Variants in KICS2 observed in about 807,000 individuals in gnomAD.
The protein encoded by KICS2 is KICSTOR complex protein C12orf66.
A neutral mutation model predicts 31.4 loss-of-function variants in KICS2; 13 were observed. That is an observed-to-expected ratio of 0.41 (90% CI 0.27 to 0.66). KICS2 has a LOEUF of 0.66. Among genes scored for constraint, KICS2 ranks in the 30% least tolerant of loss-of-function variants. KICS2 has a pLI of 0.28. For missense variants in KICS2, 455 were observed against 545.4 expected (o/e 0.83, Z 1.65); for synonymous variants, 209 against 214.8 (o/e 0.97, Z 0.24).
chr12:64,201,968 G>A (rs2037494431), intron 2 of KICS2, among the ~76,000 whole-genome samples: 1 of 152,204 alleles, frequency 6.6e-6, no homozygotes, highest in Non-Finnish European at 1.5e-5. Flanking sequence ...ACTGAATAAT[G>A]TAGTCCCTTC....
chr12:64,213,111 GA>G (rs2037598953), intron 2 of KICS2, among the ~76,000 whole-genome samples: 1 of 149,194 alleles, frequency 6.7e-6, no homozygotes, highest in South Asian at 2.1e-4. Context: ...AAAAAGAAAA[GA>G]AAAAGAAAGA....
chr12:64,197,940 G>A (rs1185750511), intron 2 of KICS2, among the ~76,000 whole-genome samples: 1 of 135,932 alleles, frequency 7.4e-6, no homozygotes, highest in East Asian at 2.1e-4. Flanking sequence ...GGAGCACCCA[G>A]ATTCATAAAG....
At chr12:64,221,767 T>C (rs2136711342) in intron 1 of KICS2, 6 of 599,508 alleles carry the variant, frequency 1.0e-5, no homozygotes, top group African/African-American at 1.9e-5. Flanking sequence ...TCGGTTTGGG[T>C]CACAGCCCTG....
At chr12:64,195,134 C>A (rs1030898313) in intron 2 of KICS2, among the ~76,000 whole-genome samples, 5 of 152,146 alleles carry the variant, frequency 3.3e-5, no homozygotes, top group Non-Finnish European at 7.3e-5. Flanking sequence ...GTTGCCCAGG[C>A]TGGTTTCAAA....
chr12:64,196,880 C>G (rs1189246988), intron 2 of KICS2, among the ~76,000 whole-genome samples: 1 of 149,626 alleles, frequency 6.7e-6, no homozygotes, highest in Non-Finnish European at 1.5e-5. Context: ...TGAAATGAAG[C>G]GAGAAGGGAA....
chr12:64,195,984 A>C (rs1451864732), intron 2 of KICS2, among the ~76,000 whole-genome samples: 1 of 152,212 alleles, frequency 6.6e-6, no homozygotes, highest in Non-Finnish European at 1.5e-5. Context: ...CTAGCACAGC[A>C]GTCTGAGATC....
downstream of KICS2, chr12:64,186,831 C>T (rs1445370869): frequency 2.0e-5 from 3 of 152,172 alleles, no homozygotes; most frequent in Admixed American, 6.5e-5. Flanking sequence ...TATATCATTA[C>T]CCTTAACATA....
chr12:64,201,750 C>T (rs567805323), intron 2 of KICS2, among the ~76,000 whole-genome samples: 5 of 150,660 alleles, frequency 3.3e-5, no homozygotes, highest in African/African-American at 1.2e-4. Context: ...GGCTGAGGCA[C>T]GAGAATTGCT....
chr12:64,194,726 A>C, intron 2 of KICS2, 68 bp from the exon 3 acceptor site: 3 of 1,493,464 alleles, frequency 2.0e-6, no homozygotes, highest in Non-Finnish European at 2.7e-6. Flanking sequence ...CATTTTTCTA[A>C]CCACAAAGCA....
chr12:64,190,435 C>T (rs572131434), downstream of KICS2, among the ~76,000 whole-genome samples: 7 of 152,050 alleles, frequency 4.6e-5, no homozygotes, highest in African/African-American at 1.7e-4. Context: ...GAAGGAATTC[C>T]CTGGGAAAGT....
chr12:64,192,117 G>C lies in KICS2; in HGVS notation c.*1725C>G, dbSNP rs1246733412. ...ATAAAAAATAGGCCAGTAGATTCTT[G>C]GTTCTTCTTCTTCTTTTTTTTTTTT... On this transcript the variant is annotated 3_prime_UTR_variant, in exon 3 of 3. Transcript: ENST00000398055. 1 of 148,622 alleles carries C rather than the reference G, an allele frequency of 6.7e-6. No homozygotes were observed. Among genetic ancestry groups the C allele is most frequent in the Admixed American group, 6.7e-5 (1 of 14,956 alleles). 9.2% of individuals were successfully genotyped at this position (148,622 alleles called of 1,614,324 possible).
At chr12:64,207,196 C>T (rs529964507) in intron 2 of KICS2, among the ~76,000 whole-genome samples, 3 of 146,950 alleles carry the variant, frequency 2.0e-5, no homozygotes, top group Non-Finnish European at 4.5e-5. Context: ...CCCAGCTACT[C>T]GGGAGGCTGA....
At chr12:64,220,329 C>T (rs968972692) in intron 1 of KICS2, among the ~76,000 whole-genome samples, 2 of 152,176 alleles carry the variant, frequency 1.3e-5, no homozygotes, top group African/African-American at 2.4e-5. Flanking sequence ...TACACACATT[C>T]TTACACACAG....
chr12:64,193,218 G>A lies in KICS2; in HGVS notation c.*624C>T, dbSNP rs1402683361. On this transcript the variant is annotated 3_prime_UTR_variant, in exon 3 of 3. Transcript: ENST00000398055. ...AAAAGAACCCATGGCTATTAAAGCT[G>A]CCATGAGGATCTTCTGAACTGTTAA... 1.0e-6 allele frequency: 1 copy of A among 985,376 alleles called. No homozygotes were observed. The highest frequency in any genetic ancestry group is 6.1e-5 in the Admixed American group (1 of 16,268). The allele number at this position is 985,376 out of a possible 1,614,324, so 61.0% of individuals were successfully genotyped here.
rs1249138538 is a variant in KICS2, at chr12:64,196,020, G to A, written c.522-1362C>T. 1.3e-3 allele frequency among the ~76,000 whole-genome samples: 205 copies of A among 152,380 alleles called. 1 individual carries two copies. In the East Asian group the frequency reaches 0.028, roughly 21 times the overall value. On this transcript the variant is annotated intron_variant, in intron 2 of 2. Transcript: ENST00000398055. ...AAACTGCAAGGCGGCAGCGAGGCTG[G>A]GGGAGGGGCGCCCGCCATTGCCCAG...
At chr12:64,221,327 T>C (rs2037680842) in intron 1 of KICS2, among the ~76,000 whole-genome samples, 1 of 152,246 alleles carries the variant, frequency 6.6e-6, no homozygotes, top group Non-Finnish European at 1.5e-5. Flanking sequence ...CCATGCCTTT[T>C]ACATCTATTA....
chr12:64,203,208 A>C (rs2037506843), intron 2 of KICS2, among the ~76,000 whole-genome samples: 1 of 152,200 alleles, frequency 6.6e-6, no homozygotes, highest in African/African-American at 2.4e-5. Context: ...CCAACTATGT[A>C]AAGATATGAA....
chr12:64,217,002 C>G (rs1470917519), intron 1 of KICS2, among the ~76,000 whole-genome samples: 6 of 152,142 alleles, frequency 3.9e-5, no homozygotes, highest in Non-Finnish European at 7.3e-5. Flanking sequence ...ATTTACTATT[C>G]TAAACATATA....
intron 2 of KICS2, among the ~76,000 whole-genome samples, chr12:64,214,108 T>G (rs991858415): frequency 6.6e-6 from 1 of 152,204 alleles, no homozygotes; most frequent in African/African-American, 2.4e-5. Context: ...AACATGATAC[T>G]CCTGGTTCAA....
Sources: gnomAD v4.1 joint callset for allele counts (sites outside exome capture counted in the v4.1 genomes callset) on GRCh38, gnomAD v4.1.1 for gene constraint, MANE v1.5 for transcripts, NCBI Gene and HGNC (gene_info 2026-07-23, HGNC 2026-07-21) for gene names.